WDFY2: variants seen among roughly 807,000 people sequenced by gnomAD.
WDFY2 encodes the protein WD repeat and FYVE domain containing 2, also known as WD repeat and FYVE domain-containing protein 2.
In WDFY2, 36 loss-of-function variants were observed where a neutral mutation model predicts 56.4. The ratio of observed to expected loss-of-function variants is 0.64; its 90% CI spans 0.49 to 0.84. The LOEUF (loss-of-function observed/expected upper bound fraction) is 0.84, where lower values mean the gene tolerates loss of function less well. Ranked by LOEUF, WDFY2 falls within the 40% of genes least tolerant of loss-of-function variation. The pLI is 0.00. For missense variants in WDFY2, 444 were observed against 512.2 expected (o/e 0.87, Z 1.29); for synonymous variants, 176 against 183.7 (o/e 0.96, Z 0.34).
At chr13:51,624,415 G>A (rs996094133) in intron 1 of WDFY2, among the ~76,000 whole-genome samples, 1 of 152,170 alleles carries the variant, frequency 6.6e-6, no homozygotes, top group African/African-American at 2.4e-5. Context: ...TGATATGACT[G>A]TATTATCAGA....
At chr13:51,624,046 A>G (rs1277244317) in intron 1 of WDFY2, among the ~76,000 whole-genome samples, 1 of 152,166 alleles carries the variant, frequency 6.6e-6, no homozygotes, top group Admixed American at 6.5e-5. Context: ...TTAAGATAAT[A>G]AAGGATGACG....
rs1956165154 is a variant in WDFY2 at position 51,691,807 on chromosome 13, T to C, written c.280-11789T>C. Among the ~76,000 whole-genome samples, 3 of 152,100 alleles carry C rather than the reference T, an allele frequency of 2.0e-5. No homozygotes were observed. The South Asian group carries it at 6.2e-4, about 32-fold the overall frequency. On this transcript the variant is annotated intron_variant, in intron 3 of 11. Transcript: ENST00000298125. The stretch of plus-strand genomic sequence containing the variant: ...TTGGGCAGTGTGGCCATTATCACGA[T>C]ATTGATTCTTCCTACCCATGAGCAT...
intron 4 of WDFY2, among the ~76,000 whole-genome samples, chr13:51,704,160 C>T (rs1452181764): frequency 1.3e-5 from 2 of 152,170 alleles, no homozygotes; most frequent in Admixed American, 6.6e-5. Flanking sequence ...CCTTTTAACA[C>T]TTAGAGGTCA....
At chr13:51,595,719 G>C (rs1289271362) in intron 1 of WDFY2, among the ~76,000 whole-genome samples, 1 of 152,186 alleles carries the variant, frequency 6.6e-6, no homozygotes, top group African/African-American at 2.4e-5. Flanking sequence ...TCAAAAGATA[G>C]CCAGAAAGCT....
At chr13:51,612,461 A>C (rs1434377427) in intron 1 of WDFY2, among the ~76,000 whole-genome samples, 2 of 152,234 alleles carry the variant, frequency 1.3e-5, no homozygotes, top group African/African-American at 4.8e-5. Context: ...ATTGTGTTTC[A>C]AATTAACACT....
At chr13:51,634,853 A>G (rs916584454) in intron 1 of WDFY2, among the ~76,000 whole-genome samples, 4 of 152,204 alleles carry the variant, frequency 2.6e-5, no homozygotes, top group African/African-American at 7.2e-5. Context: ...ATTTATCCAT[A>G]GGTCAGAGTT....
chr13:51,733,676 G>A (rs1023969458), intron 6 of WDFY2, among the ~76,000 whole-genome samples: 2 of 152,214 alleles, frequency 1.3e-5, no homozygotes, highest in Non-Finnish European at 2.9e-5. Context: ...TGGACTGGGG[G>A]ACAGCAGTGT....
intron 1 of WDFY2, among the ~76,000 whole-genome samples, chr13:51,654,598 C>T (rs528670834): frequency 9.9e-5 from 15 of 152,190 alleles, no homozygotes; most frequent in Middle Eastern, 3.4e-3. Flanking sequence ...TAATATGACT[C>T]GTAACCATAG....
intron 7 of WDFY2, among the ~76,000 whole-genome samples, chr13:51,749,295 G>A (rs1031527438): frequency 6.6e-6 from 1 of 152,060 alleles, no homozygotes; most frequent in Non-Finnish European, 1.5e-5. Flanking sequence ...CGTCAAATAA[G>A]TTGTAAGAGT....
At chr13:51,731,632 A>G (rs1214301608) in intron 6 of WDFY2, among the ~76,000 whole-genome samples, 2 of 152,240 alleles carry the variant, frequency 1.3e-5, no homozygotes, top group African/African-American at 4.8e-5. Flanking sequence ...AAGAGAGTCC[A>G]TGGTGATTTA....
chr13:51,675,464 T>C (rs1955870406), intron 3 of WDFY2, among the ~76,000 whole-genome samples: 1 of 152,180 alleles, frequency 6.6e-6, no homozygotes, highest in African/African-American at 2.4e-5. Flanking sequence ...ACCTACCCTA[T>C]ACAGAGTGGC....
intron 1 of WDFY2, chr13:51,588,757 T>C (rs1181915497): frequency 6.6e-6 from 1 of 152,160 alleles, no homozygotes; most frequent in Non-Finnish European, 1.5e-5. Flanking sequence ...AGTTCAGAAC[T>C]CAGCACTCAG....
At chr13:51,650,661 A>G (rs969494848) in intron 1 of WDFY2, among the ~76,000 whole-genome samples, 13 of 152,184 alleles carry the variant, frequency 8.5e-5, no homozygotes, top group Admixed American at 6.5e-4. Flanking sequence ...TTCTGCATCT[A>G]TTGAGATAAT....
intron 3 of WDFY2, among the ~76,000 whole-genome samples, chr13:51,697,422 CAG>C (rs1004921478): frequency 8.5e-5 from 13 of 152,150 alleles, no homozygotes; most frequent in Non-Finnish European, 1.8e-4. Flanking sequence ...TGCTGGAGCT[CAG>C]GAGTTCAAGA....
intron 3 of WDFY2, among the ~76,000 whole-genome samples, chr13:51,700,796 T>C (rs913230919): frequency 3.2e-4 from 48 of 151,562 alleles, no homozygotes; most frequent in Admixed American, 3.1e-3. Flanking sequence ...GGAAACCCTG[T>C]CTCTACTAAA....
At chr13:51,741,635 A>G (rs563109723) in intron 7 of WDFY2, among the ~76,000 whole-genome samples, 2 of 152,234 alleles carry the variant, frequency 1.3e-5, no homozygotes, top group African/African-American at 4.8e-5. Context: ...GCTGGCATTC[A>G]GTGATTCTCG....
chr13:51,584,821 A>T lies in WDFY2; in HGVS notation c.134A>T (p.Asp45Val). Residue 45 changes from aspartate to valine, a missense_variant, in exon 1 of 12, where the codon GAC becomes GTC. Asp to Val is a radical substitution (Grantham distance 152). Transcript: ENST00000298125. Reference sequence around the variant, plus strand: ...GAGGGCGTCATCAGCGTCTCCGAGGACAGGTATGGACTACTGCCATTCGGC... The same window carrying T: ...GAGGGCGTCATCAGCGTCTCCGAGGTCAGGTATGGACTACTGCCATTCGGC... ...KEEGVISVSE[D>V]RTVRVWLKRD... 3 of 1,613,706 alleles carry T rather than the reference A, an allele frequency of 1.9e-6. No individual in the cohort carries two copies. Among genetic ancestry groups the T allele is most frequent in the South Asian group, 2.2e-5 (2 of 91,032 alleles).
intron 1 of WDFY2, chr13:51,599,597 T>C (rs1363644674): frequency 6.6e-6 from 1 of 152,196 alleles, no homozygotes; most frequent in Non-Finnish European, 1.5e-5. Flanking sequence ...AAAGTTTGAG[T>C]TTCATGTAGT....
intron 1 of WDFY2, chr13:51,587,782 T>C (rs976445396): frequency 2.0e-5 from 3 of 152,226 alleles, no homozygotes; most frequent in African/African-American, 7.2e-5. Flanking sequence ...GAATTTCAGA[T>C]GAAGAATGGC....
Sources: allele counts gnomAD v4.1 joint callset (sites outside exome capture counted in the v4.1 genomes callset), GRCh38; gene constraint gnomAD v4.1.1; transcripts MANE v1.5; gene names NCBI Gene and HGNC (gene_info 2026-07-23, HGNC 2026-07-21).